The following FOXP1 variants were observed in gnomAD, a reference collection of about 807,000 sequenced individuals.
FOXP1 encodes the protein forkhead box P1.
In FOXP1, 15 loss-of-function variants were observed where a neutral mutation model predicts 98.2. The ratio of observed to expected loss-of-function variants is 0.15; its 90% CI spans 0.10 to 0.24. FOXP1 has a LOEUF of 0.24. FOXP1 is among the 10% of genes least tolerant of loss of function. FOXP1 has a pLI of 1.00. For missense variants in FOXP1, 633 were observed against 848.5 expected, an observed-to-expected ratio of 0.75 and a Z score of 3.15; for synonymous variants, 371 against 314.5, an observed-to-expected ratio of 1.18 and a Z score of -1.90.
chr3:71,381,453 T>C (rs1210742519), intron 3 of FOXP1, among the ~76,000 whole-genome samples: 2 of 146,398 alleles, frequency 1.4e-5, no homozygotes, highest in African/African-American at 5.0e-5. Flanking sequence ...TTTTTTTTTT[T>C]TTTTTTTGAG....
intron 11 of FOXP1, among the ~76,000 whole-genome samples, chr3:71,020,704 A>C (rs1254857028): frequency 6.6e-6 from 1 of 152,140 alleles, no homozygotes; most frequent in Non-Finnish European, 1.5e-5. Context: ...TTTTCCCTTC[A>C]CCTGAAGGCA....
chr3:71,470,120 T>C (rs1305587468), intron 3 of FOXP1, among the ~76,000 whole-genome samples: 1 of 151,900 alleles, frequency 6.6e-6, no homozygotes, highest in Non-Finnish European at 1.5e-5. Context: ...GAATTTTGAG[T>C]CTCTAGCTCC....
At chr3:71,034,626 G>A (rs1238027012) in intron 11 of FOXP1, among the ~76,000 whole-genome samples, 1 of 152,140 alleles carries the variant, frequency 6.6e-6, no homozygotes, top group East Asian at 1.9e-4. Flanking sequence ...ATTGTGTCTG[G>A]CACACAGTAA....
chr3:71,413,259 G>GACACACACACACACACAC lies in FOXP1; in HGVS notation c.-167-54033_-167-54016dup, dbSNP rs528319234. Among the ~76,000 whole-genome samples, 198 of 64,444 alleles carry GACACACACACACACACAC rather than the reference G, an allele frequency of 3.1e-3. 4 individuals are homozygous for GACACACACACACACACAC. Among genetic ancestry groups the GACACACACACACACACAC allele is most frequent in the Admixed American group, 4.6e-3 (20 of 4,384 alleles). The allele number at this position is 64,444 out of a possible 152,430, so 42.3% of individuals were successfully genotyped here. A position where few individuals can be genotyped will look rare whatever the true frequency, so the allele number is the denominator to read the frequency against. On this transcript the variant is annotated intron_variant, in intron 3 of 20. Coordinates refer to ENST00000649528, the MANE Select transcript of FOXP1 (RefSeq NM_001349338.3). ...TAGACACACACACATCCCCCAAATA[G>GACACACACACACACACAC]ACACACACACACACACACACACACA...
chr3:71,395,959 G>T (rs1257072477), intron 3 of FOXP1, among the ~76,000 whole-genome samples: 1 of 152,020 alleles, frequency 6.6e-6, no homozygotes, highest in African/African-American at 2.4e-5. Context: ...ATGATATATC[G>T]AATAAGAGGC....
intron 18 of FOXP1, chr3:70,972,219 C>CAAAAGGAGACGGGGTT: frequency 1.3e-6 from 2 of 1,484,786 alleles, no homozygotes; most frequent in African/African-American, 1.4e-5. Context: ...GGAGTGGCAA[C>CAAAAGGAGACGGGGTT]AAAAGGAGAC....
chr3:71,390,395 A>G (rs2080941485), intron 3 of FOXP1, among the ~76,000 whole-genome samples: 1 of 152,220 alleles, frequency 6.6e-6, no homozygotes, highest in South Asian at 2.1e-4. Context: ...TCAGTGCGAC[A>G]TGCAACCCAC....
chr3:71,071,054 C>T (rs1358298812), intron 7 of FOXP1, among the ~76,000 whole-genome samples: 2 of 152,164 alleles, frequency 1.3e-5, no homozygotes, highest in Non-Finnish European at 2.9e-5. Flanking sequence ...CGGGGCTCTG[C>T]GCTCGCTATG....
intron 5 of FOXP1, among the ~76,000 whole-genome samples, chr3:71,212,542 C>T (rs539819923): frequency 2.6e-5 from 4 of 152,290 alleles, no homozygotes; most frequent in South Asian, 4.1e-4. Flanking sequence ...AACAATGAGC[C>T]TCCCATCCAG....
At chr3:71,139,159 C>T (rs1052567323) in intron 6 of FOXP1, among the ~76,000 whole-genome samples, 1 of 152,086 alleles carries the variant, frequency 6.6e-6, no homozygotes, top group African/African-American at 2.4e-5. Flanking sequence ...GAAATTGGGG[C>T]ATACATAGAG....
intron 3 of FOXP1, among the ~76,000 whole-genome samples, chr3:71,446,215 G>A (rs567695681): frequency 6.6e-6 from 1 of 152,252 alleles, no homozygotes; most frequent in South Asian, 2.1e-4. Flanking sequence ...TTCCATAAAA[G>A]CTGCTGTCAC....
chr3:71,249,204 C>A (rs1469246677), intron 5 of FOXP1, among the ~76,000 whole-genome samples: 2 of 152,210 alleles, frequency 1.3e-5, no homozygotes, highest in African/African-American at 4.8e-5. Flanking sequence ...TGGGCAGGGT[C>A]CTGGCGCCTG....
intron 4 of FOXP1, among the ~76,000 whole-genome samples, chr3:71,305,379 C>T (rs2074195749): frequency 6.6e-6 from 1 of 152,198 alleles, no homozygotes; most frequent in African/African-American, 2.4e-5. Context: ...CCTCTCTGAG[C>T]ATCATGGCCA....
In FOXP1 at chr3:71,053,942, G is replaced by T. The variant is rs547754682; in HGVS notation, c.283-169C>A. On this transcript the variant is annotated intron_variant, in intron 7 of 20. Coordinates refer to ENST00000649528, the MANE Select transcript of FOXP1 (RefSeq NM_001349338.3). ...AACAGATCCTATTTAATCTATCATGGAGTTTATTTTAAAGAAAGAAAAGTA... is the reference window on the plus strand; with the variant it reads ...AACAGATCCTATTTAATCTATCATGTAGTTTATTTTAAAGAAAGAAAAGTA... Among the ~76,000 whole-genome samples, 3 of 152,300 alleles carry T rather than the reference G, an allele frequency of 2.0e-5. No homozygotes were observed. In the South Asian group the frequency reaches 6.2e-4, roughly 32 times the overall value.
chr3:70,959,484 C>T, intron 20 of FOXP1, 93 bp from the exon 21 acceptor site: 2 of 1,367,600 alleles, frequency 1.5e-6, no homozygotes, highest in Middle Eastern at 2.2e-4. Context: ...AAAAGCCGCA[C>T]TCTAGAACTA....
intron 5 of FOXP1, among the ~76,000 whole-genome samples, chr3:71,218,070 C>T (rs1048467988): frequency 6.2e-4 from 95 of 152,156 alleles, no homozygotes; most frequent in Non-Finnish European, 5.6e-4. Context: ...TACTAATGAG[C>T]GGAGGTGACT....
At chr3:71,379,916 C>T (rs1395104347) in intron 3 of FOXP1, among the ~76,000 whole-genome samples, 1 of 152,210 alleles carries the variant, frequency 6.6e-6, no homozygotes, top group African/African-American at 2.4e-5. Flanking sequence ...GCAACTGATA[C>T]TATTTCTTTT....
At chr3:71,228,963 G>C (rs34549678) in intron 5 of FOXP1, among the ~76,000 whole-genome samples, 31,748 of 97,182 alleles carry the variant, frequency 0.33, 3,623 homozygotes, top group South Asian at 0.41. Context: ...TTTTACTGTT[G>C]GTTGTTTTTT....
chr3:71,138,590 G>A, intron 6 of FOXP1, among the ~76,000 whole-genome samples: 1 of 152,168 alleles, frequency 6.6e-6, no homozygotes. Flanking sequence ...GTAATTAGGG[G>A]CTGTGGGAAA....
Sources: allele counts gnomAD v4.1 joint callset (sites outside exome capture counted in the v4.1 genomes callset), GRCh38; gene constraint gnomAD v4.1.1; transcripts MANE v1.5; gene names NCBI Gene and HGNC (gene_info 2026-07-23, HGNC 2026-07-21).